Variants in PHF24 observed in about 807,000 individuals in gnomAD.
PHF24 encodes the protein Galpha inhibitory interacting protein.
A neutral mutation model predicts 42.6 loss-of-function variants in PHF24; 25 were observed. That is an observed-to-expected ratio of 0.59 (90% CI 0.43 to 0.82). The LOEUF (loss-of-function observed/expected upper bound fraction) is 0.82, where lower values mean the gene tolerates loss of function less well. PHF24 is among the 40% of genes least tolerant of loss of function. The pLI is 0.00. For synonymous variants in PHF24, 185 were observed against 204.8 expected, an observed-to-expected ratio of 0.90 and a Z score of 0.83; for missense variants, 470 against 538.1, an observed-to-expected ratio of 0.87 and a Z score of 1.25.
At chr9:34,839,140 T>C in the PHF24 span, among the ~76,000 whole-genome samples, 3 of 152,374 alleles carry the variant, frequency 2.0e-5, no homozygotes, top group African/African-American at 7.2e-5. Context: ...TTGTAAATGC[T>C]GCAATCTTTT....
chr9:34,730,226 T>G, the PHF24 span, among the ~76,000 whole-genome samples: 20 of 152,226 alleles, frequency 1.3e-4, no homozygotes, highest in African/African-American at 4.8e-4. Flanking sequence ...TGTTTGTTTA[T>G]TTTTCTCAAA....
upstream of PHF24, chr9:34,957,674 G>T (rs899035533): frequency 1.3e-5 from 2 of 152,248 alleles, no homozygotes; most frequent in Non-Finnish European, 2.9e-5. Context: ...GGGACCCTCC[G>T]GAGGCCAGTG....
chr9:34,927,159 A>G, the PHF24 span, among the ~76,000 whole-genome samples: 14 of 152,172 alleles, frequency 9.2e-5, no homozygotes, highest in Non-Finnish European at 1.5e-4. Context: ...GGCCCTGGGC[A>G]GGACTGGCAG....
At chr9:34,891,174 C>T in the PHF24 span, among the ~76,000 whole-genome samples, 1 of 152,178 alleles carries the variant, frequency 6.6e-6, no homozygotes, top group African/African-American at 2.4e-5. Context: ...AGCCCTGTTG[C>T]TGCTGATCAA....
the PHF24 span, among the ~76,000 whole-genome samples, chr9:34,700,281 G>A: frequency 6.6e-6 from 1 of 152,190 alleles, no homozygotes; most frequent in Non-Finnish European, 1.5e-5. Context: ...TCTAGCTGTT[G>A]AATGGAGAGT....
At chr9:34,882,050 G>A in the PHF24 span, among the ~76,000 whole-genome samples, 1 of 152,204 alleles carries the variant, frequency 6.6e-6, no homozygotes, top group South Asian at 2.1e-4. Flanking sequence ...ATGCAAGGCT[G>A]TTGCAACATA....
the PHF24 span, among the ~76,000 whole-genome samples, chr9:34,748,359 G>A: frequency 6.6e-6 from 1 of 152,148 alleles, no homozygotes; most frequent in East Asian, 1.9e-4. Context: ...GGAGGTGATT[G>A]GATCATGGGG....
chr9:34,875,144 C>G, the PHF24 span, among the ~76,000 whole-genome samples: 1 of 152,128 alleles, frequency 6.6e-6, no homozygotes, highest in Non-Finnish European at 1.5e-5. Context: ...AACCATCCTA[C>G]TCTATATCTG....
the PHF24 span, among the ~76,000 whole-genome samples, chr9:34,750,847 GTCTT>G: frequency 6.6e-6 from 1 of 152,002 alleles, no homozygotes; most frequent in Non-Finnish European, 1.5e-5. Context: ...ACAGGAGTAA[GTCTT>G]TATTATGGAC....
At chr9:34,762,859 C>T in the PHF24 span, among the ~76,000 whole-genome samples, 777 of 152,062 alleles carry the variant, frequency 5.1e-3, 2 homozygotes, top group African/African-American at 0.017. Flanking sequence ...TAATCCATCT[C>T]GAATTAATTT....
the PHF24 span, among the ~76,000 whole-genome samples, chr9:34,875,944 A>ACTCTCT: frequency 8.3e-4 from 71 of 85,674 alleles, no homozygotes; most frequent in African/African-American, 3.5e-3. Context: ...ACACACACAC[A>ACTCTCT]CACACACTCT....
chr9:34,730,204 GT>G, the PHF24 span, among the ~76,000 whole-genome samples: 2 of 151,928 alleles, frequency 1.3e-5, no homozygotes, highest in Non-Finnish European at 2.9e-5. Flanking sequence ...GCCTGAGGAT[GT>G]TTTTTTTGTT....
At chr9:34,781,574 A>G in the PHF24 span, among the ~76,000 whole-genome samples, 6 of 152,256 alleles carry the variant, frequency 3.9e-5, no homozygotes, top group Non-Finnish European at 2.9e-5. Context: ...CGAATTATAC[A>G]TTTAAAAATG....
At chr9:34,939,991 C>T in the PHF24 span, among the ~76,000 whole-genome samples, 1 of 152,126 alleles carries the variant, frequency 6.6e-6, no homozygotes, top group African/African-American at 2.4e-5. Context: ...CCTTTCTAGC[C>T]TCATACATTT....
At chr9:34,725,713 G>C in the PHF24 span, 2 of 1,545,358 alleles carry the variant, frequency 1.3e-6, no homozygotes, top group East Asian at 4.9e-5. Flanking sequence ...ATGGGACATT[G>C]ATCTGAGCTC....
chr9:34,685,663 T>A, the PHF24 span, among the ~76,000 whole-genome samples: 1 of 152,222 alleles, frequency 6.6e-6, no homozygotes, highest in Non-Finnish European at 1.5e-5. Flanking sequence ...GTCATTCTCC[T>A]CTGTGCTTCA....
At chr9:34,893,041 C>T in the PHF24 span, 1 of 943,982 alleles carries the variant, frequency 1.1e-6, no homozygotes. Context: ...TCTGGTTGTT[C>T]TCACCTGCCA....
the PHF24 span, among the ~76,000 whole-genome samples, chr9:34,755,812 C>T: frequency 5.4e-4 from 82 of 151,998 alleles, no homozygotes; most frequent in African/African-American, 1.9e-3. Context: ...TGTGCTCAGC[C>T]TGTATAATCT....
At chr9:34,828,911 T>TTATCTATATATCTATATCTA in the PHF24 span, among the ~76,000 whole-genome samples, 2 of 143,360 alleles carry the variant, frequency 1.4e-5, no homozygotes, top group African/African-American at 5.2e-5. Flanking sequence ...TTGCATGGTT[T>TTATCTATATATCTATATCTA]TATCTATATC....
Sources: gnomAD v4.1 joint callset for allele counts (sites outside exome capture counted in the v4.1 genomes callset) on GRCh38, gnomAD v4.1.1 for gene constraint, MANE v1.5 for transcripts, NCBI Gene and HGNC (gene_info 2026-07-23, HGNC 2026-07-21) for gene names.